CCDC158: variants seen among roughly 807,000 people sequenced by gnomAD.
CCDC158 encodes coiled-coil domain-containing protein 158.
A neutral mutation model predicts 138.6 loss-of-function variants in CCDC158; 116 were observed. The observed-to-expected ratio is 0.84, with a 90% CI of 0.72 to 0.98. The LOEUF is 0.98. Ranked by LOEUF, CCDC158 falls within the 50% of genes least tolerant of loss-of-function variation. CCDC158 has a pLI of 0.00. For synonymous variants in CCDC158, 436 were observed against 442.4 expected, an observed-to-expected ratio of 0.99 and a Z score of 0.18; for missense variants, 1,265 against 1,306.1, an observed-to-expected ratio of 0.97 and a Z score of 0.48.
intron 23 of CCDC158, among the ~76,000 whole-genome samples, chr4:76,324,103 A>G (rs1263327010): frequency 2.0e-5 from 3 of 152,154 alleles, no homozygotes; most frequent in Non-Finnish European, 4.4e-5. Context: ...TAATTTTCTT[A>G]TCAAAAAATA....
intron 1 of CCDC158, among the ~76,000 whole-genome samples, chr4:76,416,599 C>A (rs1200254264): frequency 6.6e-6 from 1 of 152,204 alleles, no homozygotes; most frequent in Non-Finnish European, 1.5e-5. Context: ...CTGTGTGCAG[C>A]CTAGGGACTT....
At chr4:76,345,356 T>C in intron 18 of CCDC158, 1 of 1,108,218 alleles carries the variant, frequency 9.0e-7, no homozygotes, top group Non-Finnish European at 1.4e-6. Context: ...AAGCTCTGGA[T>C]AAGGCCCGGT....
At chr4:76,382,438 G>A (rs1726350761) in intron 8 of CCDC158, among the ~76,000 whole-genome samples, 172 bp downstream of exon 8, 2 of 151,282 alleles carry the variant, frequency 1.3e-5, no homozygotes, top group African/African-American at 2.5e-5. Context: ...TATATGGTCA[G>A]ATAACAGTAC....
At chr4:76,350,524 G>A (rs1476512577) in intron 18 of CCDC158, among the ~76,000 whole-genome samples, 2 of 151,822 alleles carry the variant, frequency 1.3e-5, no homozygotes, top group African/African-American at 4.8e-5. Context: ...TTTTTTTTCT[G>A]AGCATTAAAA....
At chr4:76,326,981 T>C (rs961930431) in intron 22 of CCDC158, among the ~76,000 whole-genome samples, 4 of 152,118 alleles carry the variant, frequency 2.6e-5, no homozygotes, top group Non-Finnish European at 5.9e-5. Flanking sequence ...AATAATTAAA[T>C]GTGGTATTCA....
At chr4:76,395,962 A>T (rs1452525024) in intron 4 of CCDC158, among the ~76,000 whole-genome samples, 2 of 152,238 alleles carry the variant, frequency 1.3e-5, no homozygotes, top group Non-Finnish European at 2.9e-5. Flanking sequence ...GCCAATTATT[A>T]ACTATAAATG....
At chr4:76,354,538 T>C (rs902923039) in intron 15 of CCDC158, among the ~76,000 whole-genome samples, 3 of 152,186 alleles carry the variant, frequency 2.0e-5, no homozygotes, top group African/African-American at 7.2e-5. Flanking sequence ...TCCAAAGTAA[T>C]GGATATACCA....
intron 3 of CCDC158, chr4:76,401,526 T>G (rs1728388954): frequency 5.1e-6 from 1 of 196,988 alleles, no homozygotes; most frequent in African/African-American, 2.4e-5. Flanking sequence ...GCCCTTGAAC[T>G]GGCTTGAGAT....
chr4:76,368,305 T>A (rs1033101114), intron 11 of CCDC158, among the ~76,000 whole-genome samples: 31 of 152,182 alleles, frequency 2.0e-4, no homozygotes, highest in African/African-American at 7.5e-4. Context: ...AACTTTACCT[T>A]TAATTCTACC....
chr4:76,340,089 A>G (rs556541403), intron 18 of CCDC158, among the ~76,000 whole-genome samples: 25 of 152,320 alleles, frequency 1.6e-4, no homozygotes, highest in African/African-American at 4.8e-4. Context: ...GACATATTCA[A>G]CTTGCTCAAC....
chr4:76,325,214 C>T (rs1443780969), intron 23 of CCDC158, among the ~76,000 whole-genome samples: 1 of 152,066 alleles, frequency 6.6e-6, no homozygotes, highest in Non-Finnish European at 1.5e-5. Context: ...TATAGAATTT[C>T]AAAAGACTAA....
chr4:76,398,365 T>C (rs1728017629), intron 3 of CCDC158, among the ~76,000 whole-genome samples: 1 of 152,124 alleles, frequency 6.6e-6, no homozygotes, highest in African/African-American at 2.4e-5. Flanking sequence ...TGGTGTAGGC[T>C]GTAAAAGTAT....
chr4:76,398,987 C>T (rs1359486307), intron 3 of CCDC158, among the ~76,000 whole-genome samples: 10 of 152,096 alleles, frequency 6.6e-5, no homozygotes, highest in Non-Finnish European at 1.5e-5. Flanking sequence ...TAAATATGAA[C>T]ACATTAGATA....
chr4:76,378,431 G>T (rs1579022634), intron 9 of CCDC158, among the ~76,000 whole-genome samples: 1 of 152,228 alleles, frequency 6.6e-6, no homozygotes, highest in Non-Finnish European at 1.5e-5. Flanking sequence ...TATGTAAATT[G>T]TTTCTGCTTG....
intron 3 of CCDC158, among the ~76,000 whole-genome samples, chr4:76,397,290 CAG>C (rs1727908824): frequency 6.6e-6 from 1 of 151,852 alleles, no homozygotes; most frequent in African/African-American, 2.4e-5. Context: ...TAGGTGGAAA[CAG>C]AGTGGTGCAG....
intron 9 of CCDC158, among the ~76,000 whole-genome samples, chr4:76,376,364 A>T (rs1725721461): frequency 6.6e-6 from 1 of 152,148 alleles, no homozygotes; most frequent in African/African-American, 2.4e-5. Context: ...GCACCTGGCC[A>T]TGAATCTCAC....
rs190536210 is a variant in CCDC158 at position 76,366,506 on chromosome 4, C to T, written c.1830+788G>A. The stretch of plus-strand genomic sequence containing the variant: ...GTGTTAAATTTTGATAAGTATTTAT[C>T]GAGCACCTTCTGGGTGCAAGGCACA... On this transcript the variant is annotated intron_variant, in intron 12 of 24. Coordinates refer to ENST00000682701, the MANE Select transcript of CCDC158 (RefSeq NM_001394954.1). 6.6e-5 allele frequency among the ~76,000 whole-genome samples: 10 copies of T among 152,146 alleles called. No homozygotes were observed. The East Asian group carries it at 9.7e-4, about 15-fold the overall frequency.
intron 7 of CCDC158, among the ~76,000 whole-genome samples, chr4:76,383,252 A>G (rs1012539722): frequency 2.0e-5 from 3 of 152,072 alleles, no homozygotes; most frequent in Non-Finnish European, 4.4e-5. Context: ...CCCACCCTCG[A>G]TATCTGATCA....
At chr4:76,364,695 GA>G (rs1270004408) in intron 12 of CCDC158, among the ~76,000 whole-genome samples, 3 of 152,112 alleles carry the variant, frequency 2.0e-5, no homozygotes, top group Non-Finnish European at 2.9e-5. Flanking sequence ...AGTGACATTT[GA>G]AAAAAATATT....
Sources: allele counts gnomAD v4.1 joint callset (sites outside exome capture counted in the v4.1 genomes callset), GRCh38; gene constraint gnomAD v4.1.1; transcripts MANE v1.5; gene names NCBI Gene and HGNC (gene_info 2026-07-23, HGNC 2026-07-21).